PCDHGB7: variants seen among roughly 807,000 people sequenced by gnomAD.
PCDHGB7 encodes protocadherin gamma-B7.
A neutral mutation model predicts 61.4 loss-of-function variants in PCDHGB7; 37 were observed. That is an observed-to-expected ratio of 0.60 (90% confidence interval 0.46 to 0.79). PCDHGB7 has a LOEUF of 0.79. Among genes scored for constraint, PCDHGB7 ranks in the 30% least tolerant of loss-of-function variants. The pLI, the probability that PCDHGB7 is intolerant of heterozygous loss-of-function variation, is 0.00. For missense variants in PCDHGB7, 1,166 were observed against 1,202.5 expected, an observed-to-expected ratio of 0.97 and a Z score of 0.45; for synonymous variants, 464 against 503.5, an observed-to-expected ratio of 0.92 and a Z score of 1.05.
In PCDHGB7 at chr5:141,491,727, G is replaced by C; in HGVS notation, c.2416-3080G>C. On this transcript the variant is annotated intron_variant, in intron 1 of 3. Transcript: ENST00000398594. This position sits in a 1 kb window ranked among gnomAD's most constrained non-coding sequence, Gnocchi z 6.9. ...TGAGGGGCTCGGCGCCGCCCCGGGC[G>C]ACCCCTGGGGGCGGCACTGGAGAAG... 6.2e-7 allele frequency: 1 copy of C among 1,604,916 alleles called. No individual in the cohort carries two copies. The highest frequency in any genetic ancestry group is 8.5e-7 in the Non-Finnish European group (1 of 1,176,284).
chr5:141,450,650 C>G (rs1220350105), intron 1 of PCDHGB7, among the ~76,000 whole-genome samples: 1 of 151,618 alleles, frequency 6.6e-6, no homozygotes, highest in Non-Finnish European at 1.5e-5. Context: ...CCATGCCTGG[C>G]TAATTTTTGT....
chr5:141,419,728 A>T lies in PCDHGB7; in HGVS notation c.1869A>T (p.Thr623=), dbSNP rs2096421858. 1 of 1,613,466 alleles carries T rather than the reference A, an allele frequency of 6.2e-7. No homozygotes were observed. Residue 623 remains threonine (T), a synonymous_variant, in exon 1 of 4, where the codon ACA becomes ACT. Coordinates refer to ENST00000398594, the MANE Select transcript of PCDHGB7 (RefSeq NM_018927.4). The stretch of plus-strand genomic sequence containing the variant: ...GGCTCTTCAGCCTGGGGCTGCGAAC[A>T]GGCGAGGTGCGCATGGTGCGTGCTT... ...EPGLFSLGLR[T]GEVRMVRALG...
intron 1 of PCDHGB7, 63 bp from the exon 2 acceptor site, chr5:141,494,744 G>T: frequency 6.2e-7 from 1 of 1,612,702 alleles, no homozygotes; most frequent in South Asian, 1.1e-5. Flanking sequence ...CATCCCTAGG[G>T]GCTCGGGTGA....
chr5:141,506,177 G>T (rs1024892091), intron 3 of PCDHGB7, among the ~76,000 whole-genome samples: 4 of 152,142 alleles, frequency 2.6e-5, no homozygotes, highest in African/African-American at 9.7e-5. Context: ...TAAGCTGGGC[G>T]TGGTGGCTCA....
chr5:141,417,683 A>AAG lies in PCDHGB7; in HGVS notation c.-176_-175insGA, dbSNP rs201105096. 3.0e-3 allele frequency: 3,154 copies of AAG among 1,038,272 alleles called. 110 individuals carry two copies. In the East Asian group the frequency reaches 0.071, roughly 24 times the overall value. The allele number at this position is 1,038,272 out of a possible 1,614,324, so 64.3% of individuals were successfully genotyped here. The stretch of plus-strand genomic sequence containing the variant: ...GATTCCCTGCGCAGCCAACAACAGA[A>AAG]AAGAAAACCAGCTCCCACACAGAGG... On this transcript the variant is annotated 5_prime_UTR_variant, in exon 1 of 4. Transcript: ENST00000398594.
At chr5:141,504,991 G>A (rs896449285) in intron 2 of PCDHGB7, among the ~76,000 whole-genome samples, 44 of 152,034 alleles carry the variant, frequency 2.9e-4, no homozygotes, top group Admixed American at 2.6e-3. Context: ...GTGAAACCCC[G>A]TCTGTACTAA....
intron 1 of PCDHGB7, among the ~76,000 whole-genome samples, chr5:141,445,885 G>A (rs1171777990): frequency 1.3e-5 from 2 of 152,148 alleles, no homozygotes; most frequent in African/African-American, 4.8e-5. Flanking sequence ...CTTGTACTTA[G>A]GAGCTATTAA....
At chr5:141,427,007 C>T (rs1215109574) in intron 1 of PCDHGB7, 2 of 456,668 alleles carry the variant, frequency 4.4e-6, no homozygotes, top group Admixed American at 2.3e-5. Flanking sequence ...CAGTTTTTAG[C>T]CAGGATGTAT....
In PCDHGB7 at chr5:141,489,801, T is replaced by C. The variant is rs201458939; in HGVS notation, c.2416-5006T>C. 6.2e-7 allele frequency: 1 copy of C among 1,614,148 alleles called. No homozygotes were observed. On this transcript the variant is annotated intron_variant, in intron 1 of 3. Coordinates refer to ENST00000398594, the MANE Select transcript of PCDHGB7 (RefSeq NM_018927.4). The surrounding 1 kb of genome is among the most constrained non-coding windows in gnomAD (Gnocchi z 4.5). The stretch of plus-strand genomic sequence containing the variant: ...CTCTGAATGTGAAGACCCTAAAAGA[T>C]GGGAAGCCATTCCCAGAGCTGGTGC...
chr5:141,427,458 A>T (rs2097029342), intron 1 of PCDHGB7: 1 of 494,398 alleles, frequency 2.0e-6, no homozygotes, highest in African/African-American at 1.9e-5. Context: ...TCCTTTTAGA[A>T]TCGAATCTTC....
Position 141,476,641 on chromosome 5 carries a change from C to A in PCDHGB7, c.2416-18166C>A, listed in dbSNP as rs1183948220. The A allele has an allele frequency of 1.2e-6, 2 of 1,614,256 alleles. No homozygotes were observed. The highest frequency in any genetic ancestry group is 1.7e-5 in the Admixed American group (1 of 60,030). On this transcript the variant is annotated intron_variant, in intron 1 of 3. Transcript: ENST00000398594. This position sits in a 1 kb window ranked among gnomAD's most constrained non-coding sequence, Gnocchi z 7.6. ...ACTCTTTACAAACCTATGAGCTGAG[C>A]CGAAATGAATACTTTGCGCTTCGCG... is the stretch of plus-strand genomic sequence containing the variant.
intron 1 of PCDHGB7, chr5:141,426,692 C>T: frequency 2.3e-6 from 1 of 435,472 alleles, no homozygotes; most frequent in Non-Finnish European, 4.7e-6. Flanking sequence ...CCCAAAATAG[C>T]ATTGTTTTAC....
intron 1 of PCDHGB7, among the ~76,000 whole-genome samples, chr5:141,469,120 T>C (rs188113354): frequency 6.6e-6 from 1 of 151,574 alleles, no homozygotes; most frequent in East Asian, 1.9e-4. Context: ...CTAAAAAAAT[T>C]TAAAAATTAG....
Position 141,489,317 on chromosome 5 carries a change from G to T in PCDHGB7, c.2416-5490G>T. ...ATGTTGTCCTTGTGCTGCTGGGGCT[G>T]GGTGTCTGGGCAGCTTCGTTACTCA... is the stretch of plus-strand genomic sequence containing the variant. On this transcript the variant is annotated intron_variant, in intron 1 of 3. Coordinates refer to ENST00000398594, the MANE Select transcript of PCDHGB7 (RefSeq NM_018927.4). The surrounding 1 kb of genome is among the most constrained non-coding windows in gnomAD (Gnocchi z 4.5). 6.3e-7 allele frequency: 1 copy of T among 1,598,654 alleles called. No homozygotes were observed. The highest frequency in any genetic ancestry group is 8.5e-7 in the Non-Finnish European group (1 of 1,171,456).
intron 1 of PCDHGB7, chr5:141,475,801 A>G: frequency 3.2e-6 from 1 of 312,546 alleles, no homozygotes. Flanking sequence ...AGGAAGCCAA[A>G]GGAAAGTGAA....
intron 1 of PCDHGB7, chr5:141,468,381 G>A (rs1297428363): frequency 2.0e-5 from 3 of 149,754 alleles, no homozygotes; most frequent in South Asian, 2.1e-4. Flanking sequence ...AGCCATACAA[G>A]GCTACCCATT....
At chr5:141,427,067 G>A (rs1170378664) in intron 1 of PCDHGB7, 1 of 457,930 alleles carries the variant, frequency 2.2e-6, no homozygotes, top group Non-Finnish European at 4.4e-6. Context: ...CTGTACTAAA[G>A]GTGACAGCCA....
At chr5:141,470,306 T>C (rs2099227644) in intron 1 of PCDHGB7, among the ~76,000 whole-genome samples, 1 of 152,222 alleles carries the variant, frequency 6.6e-6, no homozygotes, top group South Asian at 2.1e-4. Flanking sequence ...TTATTCCATT[T>C]TTCCTCAAAT....
chr5:141,478,396 G>T (rs150499152), intron 1 of PCDHGB7: 2 of 1,613,446 alleles, frequency 1.2e-6, no homozygotes, highest in African/African-American at 2.7e-5. Flanking sequence ...ACCATCAGGT[G>T]TATCTCACCA....
Sources: gnomAD v4.1 joint callset for allele counts (sites outside exome capture counted in the v4.1 genomes callset) on GRCh38, gnomAD v4.1.1 for gene constraint, Gnocchi (gnomAD v3.1) non-coding constraint, MANE v1.5 for transcripts, NCBI Gene and HGNC (gene_info 2026-07-23, HGNC 2026-07-21) for gene names.